The following FBXO34 variants were observed in gnomAD, a reference collection of about 807,000 sequenced individuals.
FBXO34 encodes the protein F-box protein 34, also known as F-box only protein 34.
In FBXO34, 12 loss-of-function variants were observed where a neutral mutation model predicts 24.5. The ratio of observed to expected loss-of-function variants is 0.49; its 90% CI spans 0.31 to 0.79. FBXO34 has a LOEUF of 0.79. Ranked by LOEUF, FBXO34 falls within the 30% of genes least tolerant of loss-of-function variation. The pLI is 0.04. For missense variants in FBXO34, 823 were observed against 857.7 expected (o/e 0.96, Z 0.51); for synonymous variants, 320 against 311.9 (o/e 1.03, Z -0.27).
chr14:55,359,307 G>T (rs17128433), intron 3 of FBXO34, among the ~76,000 whole-genome samples: 1 of 152,054 alleles, frequency 6.6e-6, no homozygotes, highest in African/African-American at 2.4e-5. Context: ...ATGATCCCTA[G>T]GAGGCCCTAA....
chr14:55,440,850 A>G, the FBXO34 span, among the ~76,000 whole-genome samples: 4 of 144,584 alleles, frequency 2.8e-5, no homozygotes, highest in African/African-American at 1.1e-4. Flanking sequence ...GAAAGTGAGA[A>G]AAAAAAAGGG....
chr14:55,315,982 G>T (rs1882913549), intron 1 of FBXO34, among the ~76,000 whole-genome samples: 1 of 151,926 alleles, frequency 6.6e-6, no homozygotes, highest in South Asian at 2.1e-4. Context: ...GAACATTTTG[G>T]ACTGGTCTTC....
At chr14:55,393,572 G>T in the FBXO34 span, among the ~76,000 whole-genome samples, 13 of 149,964 alleles carry the variant, frequency 8.7e-5, no homozygotes, top group Admixed American at 4.6e-4. Flanking sequence ...TTGAGTCAGG[G>T]TCTCACTCTG....
chr14:55,430,239 G>GA, the FBXO34 span, among the ~76,000 whole-genome samples: 1 of 151,984 alleles, frequency 6.6e-6, no homozygotes, highest in African/African-American at 2.4e-5. Flanking sequence ...CTGTAAATCA[G>GA]AAACACCTGA....
intron 1 of FBXO34, among the ~76,000 whole-genome samples, chr14:55,278,285 T>C (rs1488732931): frequency 1.3e-5 from 2 of 152,240 alleles, no homozygotes; most frequent in Admixed American, 1.3e-4. Context: ...ATTCCCTCAC[T>C]GTGACGAAGT....
At chr14:55,432,628 T>G in the FBXO34 span, among the ~76,000 whole-genome samples, 3 of 152,174 alleles carry the variant, frequency 2.0e-5, no homozygotes, top group African/African-American at 7.2e-5. Flanking sequence ...ATCAAAGAAA[T>G]GTAAAACAAT....
At chr14:55,285,875 A>C (rs1881744208) in intron 1 of FBXO34, among the ~76,000 whole-genome samples, 1 of 152,198 alleles carries the variant, frequency 6.6e-6, no homozygotes. Context: ...ATTCCTGTTA[A>C]AAGTGTTAAG....
At chr14:55,438,942 CTTTTTTT>C in the FBXO34 span, 1 of 127,248 alleles carries the variant, frequency 7.9e-6, no homozygotes, top group Non-Finnish European at 1.6e-5. Flanking sequence ...GCTCTCTTGC[CTTTTTTT>C]TTTTTTGAGA....
At chr14:55,411,674 C>T in the FBXO34 span, 1 of 1,613,414 alleles carries the variant, frequency 6.2e-7, no homozygotes, top group South Asian at 1.1e-5. Flanking sequence ...CAGCCGCCGG[C>T]GGGTAGTGTT....
Position 55,350,912 on chromosome 14 carries a change from CTACCAACCT to C in FBXO34, c.523_531del (p.Tyr175_Pro177del), listed in dbSNP as rs776853588. On this transcript the variant is annotated inframe_deletion, in exon 2 of 2. Transcript: ENST00000313833. ...GGATGAGGGAGGTTAACAGCAGGTG[CTACCAACCT>C]GAGCCTTTTGCATGTGGCATTGAGC... 2.0e-5 allele frequency: 33 copies of C among 1,613,674 alleles called. No homozygotes were observed. The highest frequency in any genetic ancestry group is 2.8e-5 in the Non-Finnish European group (33 of 1,179,870).
At chr14:55,336,941 G>A (rs1187864955) in intron 1 of FBXO34, among the ~76,000 whole-genome samples, 1 of 149,924 alleles carries the variant, frequency 6.7e-6, no homozygotes, top group African/African-American at 2.4e-5. Context: ...TATGTGGTGT[G>A]TTTGGTTGGT....
chr14:55,408,018 A>C, the FBXO34 span, among the ~76,000 whole-genome samples: 2 of 152,224 alleles, frequency 1.3e-5, no homozygotes, highest in Non-Finnish European at 2.9e-5. Flanking sequence ...GAGGGAGCAC[A>C]AGGATGAACT....
At chr14:55,414,088 C>G in the FBXO34 span, 2 of 562,830 alleles carry the variant, frequency 3.6e-6, no homozygotes, top group African/African-American at 3.7e-5. Flanking sequence ...GATGGCCCTT[C>G]CGGCTAAAAG....
At chr14:55,407,133 T>A in the FBXO34 span, among the ~76,000 whole-genome samples, 2 of 152,054 alleles carry the variant, frequency 1.3e-5, no homozygotes, top group African/African-American at 4.8e-5. Context: ...AGCTAATTTT[T>A]GTTTTTGTTT....
At chr14:55,403,684 TCAA>T in the FBXO34 span, among the ~76,000 whole-genome samples, 18 of 151,876 alleles carry the variant, frequency 1.2e-4, no homozygotes, top group Non-Finnish European at 1.0e-4. Flanking sequence ...AACAACAACA[TCAA>T]CAACAACAAC....
chr14:55,379,795 T>C, the FBXO34 span, among the ~76,000 whole-genome samples: 8,858 of 152,272 alleles, frequency 0.058, 327 homozygotes, highest in South Asian at 0.089. Flanking sequence ...GATCTCAGCA[T>C]CACTGCAACC....
At chr14:55,371,563 T>C (rs1884817029), downstream of FBXO34, among the ~76,000 whole-genome samples, 1 of 151,208 alleles carries the variant, frequency 6.6e-6, no homozygotes, top group Non-Finnish European at 1.5e-5. Context: ...TCCCAGCACT[T>C]TGGGAGGCTG....
the FBXO34 span, chr14:55,428,695 C>T: frequency 2.4e-5 from 28 of 1,165,354 alleles, no homozygotes; most frequent in African/African-American, 3.1e-5. Flanking sequence ...TTGTGTCCCC[C>T]GCCTTTTTTT....
chr14:55,312,584 A>G (rs1006492926), intron 1 of FBXO34, among the ~76,000 whole-genome samples: 4 of 152,228 alleles, frequency 2.6e-5, no homozygotes, highest in African/African-American at 9.6e-5. Flanking sequence ...CTGATCATCC[A>G]GATGTTTCCA....
Sources: allele counts gnomAD v4.1 joint callset (sites outside exome capture counted in the v4.1 genomes callset), GRCh38; gene constraint gnomAD v4.1.1; transcripts MANE v1.5; gene names NCBI Gene and HGNC (gene_info 2026-07-23, HGNC 2026-07-21).